Variants in PLCL2 observed in about 807,000 individuals in gnomAD.
PLCL2 encodes inactive phospholipase C-like protein 2.
PLCL2 carries 4 observed loss-of-function variants against 79.6 expected under a neutral mutation model. The observed-to-expected ratio is 0.05, with a 90% confidence interval of 0.02 to 0.11. PLCL2 has a LOEUF of 0.11. PLCL2 is among the 10% of genes least tolerant of loss of function. PLCL2 has a pLI of 1.00. For missense variants in PLCL2, 895 were observed against 1,291.0 expected (o/e 0.69, Z 4.70); for synonymous variants, 484 against 457.7 (o/e 1.06, Z -0.73).
chr3:16,908,053 G>T (rs1285902310), intron 1 of PLCL2, among the ~76,000 whole-genome samples: 1 of 151,922 alleles, frequency 6.6e-6, no homozygotes, highest in African/African-American at 2.4e-5. Flanking sequence ...CATTCCTATT[G>T]TATGTTTGAC....
At chr3:16,983,078 A>T (rs2064016426) in intron 1 of PLCL2, among the ~76,000 whole-genome samples, 1 of 152,204 alleles carries the variant, frequency 6.6e-6, no homozygotes. Flanking sequence ...ACTAAATAAC[A>T]TTTTGAAGAA....
At chr3:16,996,443 A>G (rs1039917265) in intron 1 of PLCL2, among the ~76,000 whole-genome samples, 9 of 152,102 alleles carry the variant, frequency 5.9e-5, no homozygotes, top group Non-Finnish European at 1.3e-4. Flanking sequence ...GGAACTGAAG[A>G]TCTTGATAAT....
At chr3:16,965,290 T>C (rs542995333) in intron 1 of PLCL2, among the ~76,000 whole-genome samples, 1 of 152,360 alleles carries the variant, frequency 6.6e-6, no homozygotes, top group South Asian at 2.1e-4. Context: ...CTTTCTCCCG[T>C]TTCTTGTTTT....
At chr3:17,023,401 C>A (rs6776032) in intron 3 of PLCL2, among the ~76,000 whole-genome samples, 87,571 of 152,022 alleles carry the variant, frequency 0.58, 25,476 homozygotes, top group South Asian at 0.65. Context: ...CAGAATTCCC[C>A]CGTGTTGTGG....
At chr3:17,005,936 A>G (rs1270578339) in intron 1 of PLCL2, among the ~76,000 whole-genome samples, 2 of 152,208 alleles carry the variant, frequency 1.3e-5, no homozygotes, top group Non-Finnish European at 2.9e-5. Context: ...ACTCCTTCAC[A>G]GTATAACAGC....
chr3:16,896,257 C>A (rs954507787), intron 1 of PLCL2, among the ~76,000 whole-genome samples: 2 of 151,914 alleles, frequency 1.3e-5, no homozygotes, highest in African/African-American at 2.4e-5. Context: ...GACACTTGTA[C>A]GTGGTGAGAC....
rs562509150 is a variant in PLCL2 at position 17,007,624 on chromosome 3, T to C, written c.328-2050T>C. On this transcript the variant is annotated intron_variant, in intron 1 of 5. Transcript: ENST00000615277. ...TTTGAGGAAAATGATACCCATATGA[T>C]TTAAAGTTTAAGTTTAATTACCTTC... Among the ~76,000 whole-genome samples the C allele has an allele frequency of 2.0e-5, 3 of 152,346 alleles. No individual in the cohort carries two copies. In the South Asian group the frequency reaches 6.2e-4, roughly 32 times the overall value.
intron 2 of PLCL2, among the ~76,000 whole-genome samples, chr3:17,014,138 C>T (rs1188469020): frequency 6.6e-6 from 1 of 152,136 alleles, no homozygotes; most frequent in Admixed American, 6.5e-5. Flanking sequence ...TCAGCAGTGA[C>T]ACTAATAGGG....
chr3:17,016,832 A>G (rs907068393), intron 3 of PLCL2, among the ~76,000 whole-genome samples: 2 of 152,258 alleles, frequency 1.3e-5, no homozygotes, highest in Non-Finnish European at 2.9e-5. Context: ...TTCATTGACC[A>G]AAATCTAATA....
chr3:17,039,870 G>A (rs1024430952), intron 3 of PLCL2, among the ~76,000 whole-genome samples: 4 of 152,194 alleles, frequency 2.6e-5, no homozygotes, highest in African/African-American at 9.7e-5. Flanking sequence ...GATATTCACT[G>A]TCATTATCAG....
intron 1 of PLCL2, among the ~76,000 whole-genome samples, chr3:16,895,117 T>C (rs529861940): frequency 3.0e-4 from 46 of 152,108 alleles, no homozygotes; most frequent in South Asian, 6.2e-4. Flanking sequence ...GATATAGATA[T>C]ATGTTGAAAC....
intron 5 of PLCL2, among the ~76,000 whole-genome samples, chr3:17,078,693 A>G (rs1270984030): frequency 6.6e-6 from 1 of 152,082 alleles, no homozygotes; most frequent in Admixed American, 6.5e-5. Context: ...CCTGGTAGAC[A>G]TTTGTCTTGA....
At chr3:17,012,189 A>G (rs763404941) in intron 2 of PLCL2, 29 bp downstream of exon 2, 1 of 1,574,322 alleles carries the variant, frequency 6.4e-7, no homozygotes, top group South Asian at 1.2e-5. Context: ...TCATTTACTC[A>G]ATGGTTTTCC....
At chr3:17,042,453 C>G (rs2064734763) in intron 3 of PLCL2, among the ~76,000 whole-genome samples, 1 of 152,194 alleles carries the variant, frequency 6.6e-6, no homozygotes, top group Admixed American at 6.5e-5. Context: ...CAGATGAAGA[C>G]ATTTTGGCTG....
chr3:16,906,069 A>G (rs1268673566), intron 1 of PLCL2, among the ~76,000 whole-genome samples: 1 of 152,196 alleles, frequency 6.6e-6, no homozygotes, highest in Admixed American at 6.5e-5. Flanking sequence ...CTCCATAAAA[A>G]AAAAAAATTG....
chr3:17,027,875 G>A (rs1427956662), intron 3 of PLCL2, among the ~76,000 whole-genome samples: 1 of 152,226 alleles, frequency 6.6e-6, no homozygotes, highest in East Asian at 1.9e-4. Flanking sequence ...AAAGCCAGTG[G>A]AAATTAACGT....
At chr3:16,980,316 G>A (rs189840734) in intron 1 of PLCL2, among the ~76,000 whole-genome samples, 14 of 145,010 alleles carry the variant, frequency 9.7e-5, no homozygotes, top group African/African-American at 2.3e-4. Flanking sequence ...CTGGCCGGGC[G>A]GAGACGCTCC....
At chr3:17,083,467 C>T (rs541717379) in intron 5 of PLCL2, among the ~76,000 whole-genome samples, 38 of 152,180 alleles carry the variant, frequency 2.5e-4, no homozygotes, top group African/African-American at 9.2e-4. Flanking sequence ...TCAGATGAGG[C>T]TGTGGGCAAG....
intron 1 of PLCL2, among the ~76,000 whole-genome samples, chr3:16,959,558 C>T (rs1181228563): frequency 6.6e-6 from 1 of 152,068 alleles, no homozygotes; most frequent in Non-Finnish European, 1.5e-5. Context: ...TGACTGCGTG[C>T]ATCACCTTCC....
Sources: allele counts gnomAD v4.1 joint callset (sites outside exome capture counted in the v4.1 genomes callset), GRCh38; gene constraint gnomAD v4.1.1; transcripts MANE v1.5; gene names NCBI Gene and HGNC (gene_info 2026-07-23, HGNC 2026-07-21).